KCNK15: variants seen among roughly 807,000 people sequenced by gnomAD.
KCNK15 encodes the protein potassium channel subfamily K member 15.
KCNK15 carries 9 observed loss-of-function variants against 8.5 expected under a neutral mutation model. That is an observed-to-expected ratio of 1.06 (90% CI 0.64 to 1.85). KCNK15 has a LOEUF of 1.85. Among genes scored for constraint, KCNK15 ranks in the 40% most tolerant of loss-of-function variants. The pLI is 0.00. For missense variants in KCNK15, 467 were observed against 476.8 expected (o/e 0.98, Z 0.19); for synonymous variants, 224 against 232.7 (o/e 0.96, Z 0.34).
chr20:44,749,353 C>T (rs1336910401), intron 1 of KCNK15, among the ~76,000 whole-genome samples: 2 of 152,214 alleles, frequency 1.3e-5, no homozygotes, highest in South Asian at 2.1e-4. Flanking sequence ...ATTGCCCAGT[C>T]GTGTTTAGAT....
intron 1 of KCNK15, among the ~76,000 whole-genome samples, chr20:44,748,692 T>C (rs955511882): frequency 2.0e-4 from 31 of 152,244 alleles, no homozygotes; most frequent in Non-Finnish European, 4.1e-4. Flanking sequence ...AGAATATATG[T>C]TGATGTTTTT....
chr20:44,746,730 A>G (rs1249829188), intron 1 of KCNK15: 1 of 152,586 alleles, frequency 6.6e-6, no homozygotes, highest in Non-Finnish European at 1.5e-5. Flanking sequence ...ACTACAAAGA[A>G]AAGATCATTT....
chr20:44,746,068 G>T lies in KCNK15; in HGVS notation c.158G>T (p.Gly53Val). 6.4e-7 allele frequency: 1 copy of T among 1,553,156 alleles called. No individual in the cohort carries two copies. Among genetic ancestry groups the T allele is most frequent in the South Asian group, 1.2e-5 (1 of 85,340 alleles). The change falls in exon 1 of 2, where the codon GGC becomes GTC. Residue 53 changes from glycine to valine, a missense_variant. Physicochemically the swap from Gly to Val is moderately radical, Grantham distance 109. Transcript: ENST00000372861. ...QKRGALRRKF[G>V]FSAEDYRELE... ...CGGGGCGCTCTCCGGAGGAAGTTCG[G>T]CTTCTCGGCCGAGGACTACCGCGAG...
At chr20:44,747,500 C>T (rs74174918) in intron 1 of KCNK15, among the ~76,000 whole-genome samples, 6,277 of 152,330 alleles carry the variant, frequency 0.041, 164 homozygotes, top group Non-Finnish European at 0.051. Flanking sequence ...ACACCTGAGA[C>T]CCTCCTGGTT....
At chr20:44,749,986 T>C in intron 1 of KCNK15, 143 bp from the exon 2 acceptor site, 1 of 711,396 alleles carries the variant, frequency 1.4e-6, no homozygotes, top group Non-Finnish European at 2.3e-6. Flanking sequence ...GGGTGATGAA[T>C]GACCTAGTTA....
chr20:44,747,200 C>G (rs2066011234), intron 1 of KCNK15: 1 of 152,224 alleles, frequency 6.6e-6, no homozygotes, highest in African/African-American at 2.4e-5. Flanking sequence ...TCTGGAATCA[C>G]AGAGACTGGA....
intron 1 of KCNK15, among the ~76,000 whole-genome samples, chr20:44,749,186 G>T (rs1215154368): frequency 6.6e-6 from 1 of 152,198 alleles, no homozygotes; most frequent in African/African-American, 2.4e-5. Context: ...GGGCCAATCT[G>T]TTAGAGGAGG....
Position 44,750,481 on chromosome 20 carries a change from G to C in KCNK15, c.636G>C (p.Glu212Asp). 1 of 1,613,978 alleles carries C rather than the reference G, an allele frequency of 6.2e-7. No individual in the cohort carries two copies. The highest frequency in any genetic ancestry group is 2.2e-5 in the East Asian group (1 of 44,862). Reference protein sequence around the residue: ...FGDFVALQSGEALQRKLPYVA... With the variant: ...FGDFVALQSGDALQRKLPYVA... ...ACTTCGTGGCACTGCAGAGCGGCGAGGCGCTGCAGAGGAAGCTCCCCTACG... is the reference window on the plus strand; with the variant it reads ...ACTTCGTGGCACTGCAGAGCGGCGACGCGCTGCAGAGGAAGCTCCCCTACG... Residue 212 changes from glutamate (E) to aspartate (D), a missense_variant, in exon 2 of 2, where the codon GAG becomes GAC. By Grantham distance (45) the Glu-to-Asp change is conservative. Transcript: ENST00000372861.
chr20:44,750,534 T>C lies in KCNK15; in HGVS notation c.689T>C (p.Leu230Pro). 2 of 1,611,292 alleles carry C rather than the reference T, an allele frequency of 1.2e-6. No individual in the cohort carries two copies. Among genetic ancestry groups the C allele is most frequent in the South Asian group, 1.1e-5 (1 of 91,008 alleles). ...YVAFSFLYILLGLTVIGAFLN... is the reference protein window; with the variant it reads ...YVAFSFLYILPGLTVIGAFLN... ...GCCTTCAGCTTCCTCTACATCCTCC[T>C]GGGGCTCACGGTCATTGGCGCCTTC... The change falls in exon 2 of 2, where the codon CTG (leucine) becomes CCG (proline). Residue 230 changes from leucine (L) to proline (P), a missense_variant. Leu to Pro is a moderately conservative substitution (Grantham distance 98, BLOSUM62 -3). Coordinates refer to ENST00000372861, the MANE Select transcript of KCNK15 (RefSeq NM_022358.4).
chr20:44,750,555 C>G lies in KCNK15; in HGVS notation c.710C>G (p.Ala237Gly). The G allele has an allele frequency of 6.2e-7, 1 of 1,608,010 alleles. No individual in the cohort carries two copies. Among genetic ancestry groups the G allele is most frequent in the Non-Finnish European group, 8.5e-7 (1 of 1,176,988 alleles). Residue 237 changes from alanine to glycine, a missense_variant, in exon 2 of 2, where the codon GCC (alanine) becomes GGC (glycine). Physicochemically the swap from Ala to Gly is moderately conservative, Grantham distance 60. Coordinates refer to ENST00000372861, the MANE Select transcript of KCNK15 (RefSeq NM_022358.4). The part of the protein sequence containing the change: ...YILLGLTVIG[A>G]FLNLVVLRFL... ...CTCCTGGGGCTCACGGTCATTGGCG[C>G]CTTCCTCAACCTGGTGGTCCTGCGC...
chr20:44,748,614 T>C (rs975344235), intron 1 of KCNK15, among the ~76,000 whole-genome samples: 1 of 152,226 alleles, frequency 6.6e-6, no homozygotes, highest in Non-Finnish European at 1.5e-5. Context: ...TGCCTATATA[T>C]TCCTTTAAAA....
Position 44,750,245 on chromosome 20 carries a change from G to A in KCNK15, c.400G>A (p.Ala134Thr). 6.2e-7 allele frequency: 1 copy of A among 1,609,170 alleles called. No homozygotes were observed. Among genetic ancestry groups the A allele is most frequent in the Non-Finnish European group, 8.5e-7 (1 of 1,178,354 alleles). Reference protein sequence around the residue: ...TFQSLGERLNAVVRRLLLAAK... With the variant: ...TFQSLGERLNTVVRRLLLAAK... ...CCAGAGCCTGGGCGAACGGCTGAACGCGGTGGTGCGGCGCCTCCTGTTGGC... is the reference window on the plus strand; with the variant it reads ...CCAGAGCCTGGGCGAACGGCTGAACACGGTGGTGCGGCGCCTCCTGTTGGC... The change falls in exon 2 of 2, where the codon GCG becomes ACG. Residue 134 changes from alanine to threonine, a missense_variant. Ala to Thr is a moderately conservative substitution (Grantham distance 58). Coordinates refer to ENST00000372861, the MANE Select transcript of KCNK15 (RefSeq NM_022358.4).
intron 1 of KCNK15, among the ~76,000 whole-genome samples, chr20:44,749,034 A>G (rs529672871): frequency 1.3e-5 from 2 of 152,120 alleles, no homozygotes; most frequent in Admixed American, 6.5e-5. Flanking sequence ...ATTGTTTCTC[A>G]TTTTCGCTAT....
chr20:44,750,347 GC>G lies in KCNK15; in HGVS notation c.504del (p.Ala169ProfsTer196), dbSNP rs748338458. Reference sequence around the variant, plus strand: ...GGTGGTGGCCGGGCTGCTGGCGTGTGCCGCCACCCTGGCCCTCGGGGCCGTC... The same window carrying G: ...GGTGGTGGCCGGGCTGCTGGCGTGTGCGCCACCCTGGCCCTCGGGGCCGTC... ...NLVVAGLLAC[A>X]ATLALGAVAF... On this transcript the variant is annotated frameshift_variant, in exon 2 of 2. Coordinates refer to ENST00000372861, the MANE Select transcript of KCNK15 (RefSeq NM_022358.4). LOFTEE classifies it low-confidence loss of function (END_TRUNC). 1.1e-5 allele frequency: 18 copies of G among 1,612,356 alleles called. No homozygotes were observed. Among genetic ancestry groups the G allele is most frequent in the Non-Finnish European group, 1.4e-5 (16 of 1,179,594 alleles).
rs188291822 is a variant in KCNK15, at chr20:44,751,093, C to A, written c.*255C>A. 1.6e-5 allele frequency: 5 copies of A among 318,110 alleles called. No individual in the cohort carries two copies. Among genetic ancestry groups the A allele is most frequent in the East Asian group, 5.2e-5 (1 of 19,316 alleles). The allele number at this position is 318,110 out of a possible 1,614,324, so 19.7% of individuals were successfully genotyped here. A position where few individuals can be genotyped will look rare whatever the true frequency, so the allele number is the denominator to read the frequency against. ...CCTTGTAGTCCAAATTGTATGAGGG[C>A]GTGGCCACATCAGCACTTAGGAGAG... On this transcript the variant is annotated 3_prime_UTR_variant, in exon 2 of 2. Coordinates refer to ENST00000372861, the MANE Select transcript of KCNK15 (RefSeq NM_022358.4).
intron 1 of KCNK15, chr20:44,746,556 T>A (rs1343262683): frequency 5.0e-6 from 1 of 199,120 alleles, no homozygotes; most frequent in Non-Finnish European, 1.0e-5. Flanking sequence ...TCACACTTGC[T>A]GTGTGACCTT....
In KCNK15 at chr20:44,750,139, C is replaced by T. The variant is rs1238173223; in HGVS notation, c.294C>T (p.His98=). The T allele has an allele frequency of 6.2e-7, 1 of 1,608,462 alleles. No individual in the cohort carries two copies. The change falls in exon 2 of 2, where the codon CAC becomes CAT. Residue 98 remains histidine (H), a synonymous_variant. Transcript: ENST00000372861. ...GCTCTCCCTGCATAGAGTACGGCCA[C>T]GCCGCGCCGGGTACGGACTCCGGCA... is the stretch of plus-strand genomic sequence containing the variant. ...ITVITTIEYG[H]AAPGTDSGKV...
chr20:44,748,405 C>T (rs2066016110), intron 1 of KCNK15, among the ~76,000 whole-genome samples: 1 of 152,118 alleles, frequency 6.6e-6, no homozygotes, highest in African/African-American at 2.4e-5. Context: ...TGTGGAAGTG[C>T]AGCCACAGGC....
intron 1 of KCNK15, among the ~76,000 whole-genome samples, chr20:44,749,623 C>T (rs1359661593): frequency 6.6e-6 from 1 of 152,038 alleles, no homozygotes; most frequent in African/African-American, 2.4e-5. Flanking sequence ...AGATGAACAC[C>T]TGCCGCGTAA....
Sources: allele counts gnomAD v4.1 joint callset (sites outside exome capture counted in the v4.1 genomes callset), GRCh38; gene constraint gnomAD v4.1.1; transcripts MANE v1.5; gene names NCBI Gene and HGNC (gene_info 2026-07-23, HGNC 2026-07-21).